Variants in TYW1 observed in about 807,000 individuals in gnomAD.
TYW1 encodes S-adenosyl-L-methionine-dependent tRNA 4-demethylwyosine synthase TYW1.
Under a neutral mutation model 96.2 loss-of-function variants are expected in TYW1, and 46 were observed. The observed-to-expected ratio is 0.48, with a 90% confidence interval of 0.38 to 0.61. TYW1 has a LOEUF of 0.61. Among genes scored for constraint, TYW1 ranks in the 20% least tolerant of loss-of-function variants. The probability of loss-of-function intolerance (pLI) is 0.00; values close to 1 mark genes in which losing one functional copy is unlikely to be tolerated. For synonymous variants in TYW1, 274 were observed against 323.0 expected, an observed-to-expected ratio of 0.85 and a Z score of 1.63; for missense variants, 684 against 909.6, an observed-to-expected ratio of 0.75 and a Z score of 3.19.
intron 13 of TYW1, among the ~76,000 whole-genome samples, chr7:67,142,101 CTAT>C (rs67144162): frequency 0.26 from 39,351 of 151,754 alleles, 5,572 homozygotes; most frequent in African/African-American, 0.38. Context: ...AATGTCAGTG[CTAT>C]TATTATTTAG....
At chr7:67,143,982 A>G (rs1186543054) in intron 13 of TYW1, among the ~76,000 whole-genome samples, 3 of 152,378 alleles carry the variant, frequency 2.0e-5, no homozygotes, top group African/African-American at 4.8e-5. Flanking sequence ...CATGTTTTCC[A>G]GTTTCCACTG....
At chr7:67,092,565 C>T (rs1584549865) in intron 11 of TYW1, among the ~76,000 whole-genome samples, 1 of 151,946 alleles carries the variant, frequency 6.6e-6, no homozygotes, top group Non-Finnish European at 1.5e-5. Flanking sequence ...TTCAGCAAGA[C>T]TTATCCTGAC....
chr7:67,060,600 T>C (rs1795666814), intron 9 of TYW1, among the ~76,000 whole-genome samples: 1 of 152,242 alleles, frequency 6.6e-6, no homozygotes, highest in Non-Finnish European at 1.5e-5. Context: ...GCTTGTAATA[T>C]TAGAAACAGC....
chr7:67,052,638 G>A (rs151323838), intron 8 of TYW1, among the ~76,000 whole-genome samples: 3,415 of 152,112 alleles, frequency 0.022, 56 homozygotes, highest in Non-Finnish European at 0.034. Context: ...TCCCTCATTC[G>A]TCATGTTTTC....
intron 4 of TYW1, among the ~76,000 whole-genome samples, chr7:67,012,484 A>G (rs1362552938): frequency 6.6e-6 from 1 of 152,202 alleles, no homozygotes; most frequent in Non-Finnish European, 1.5e-5. Context: ...TGGTGTGCAC[A>G]TGAGTGAGCT....
intron 12 of TYW1, among the ~76,000 whole-genome samples, chr7:67,111,493 A>T (rs753030072): frequency 2.6e-5 from 4 of 152,050 alleles, no homozygotes; most frequent in Admixed American, 6.6e-5. Context: ...GAGCCAACAC[A>T]CCTGGCCAGA....
chr7:67,122,441 G>T (rs1797787209), intron 13 of TYW1, among the ~76,000 whole-genome samples: 1 of 152,108 alleles, frequency 6.6e-6, no homozygotes, highest in Non-Finnish European at 1.5e-5. Flanking sequence ...CCTTATATCA[G>T]GTTATAAAAA....
rs1299447686 is a variant in TYW1, at chr7:67,081,006, C to CT, written c.1275-2413dup. On this transcript the variant is annotated intron_variant, in intron 10 of 15. Transcript: ENST00000359626. ...CTTCCATAGCGGTAACATTTGAATC[C>CT]TTTTTTTTTTTCTCATTTGTATATC... 6.9e-4 allele frequency among the ~76,000 whole-genome samples: 49 copies of CT among 71,396 alleles called. No individual in the cohort carries two copies. In the East Asian group the frequency reaches 8.0e-3, roughly 12 times the overall value. The allele number at this position is 71,396 out of a possible 152,430, so 46.8% of individuals were successfully genotyped here. A position where few individuals can be genotyped will look rare whatever the true frequency, so the allele number is the denominator to read the frequency against.
chr7:67,239,305 T>C lies in TYW1; in HGVS notation c.*776T>C, dbSNP rs1401379182. 1 of 985,352 alleles carries C rather than the reference T, an allele frequency of 1.0e-6. No homozygotes were observed. The highest frequency in any genetic ancestry group is 1.7e-5 in the African/African-American group (1 of 57,246). The allele number at this position is 985,352 out of a possible 1,614,324, so 61.0% of individuals were successfully genotyped here. A position where few individuals can be genotyped will look rare whatever the true frequency, so the allele number is the denominator to read the frequency against. The stretch of plus-strand genomic sequence containing the variant: ...CATTTCTTTTTGTTCGTGAGGTCAC[T>C]GTCCAGGCCTCTCATATCATGACCA... On this transcript the variant is annotated 3_prime_UTR_variant, in exon 16 of 16. Transcript: ENST00000359626.
intron 12 of TYW1, among the ~76,000 whole-genome samples, chr7:67,099,150 T>C (rs1797012952): frequency 6.6e-6 from 1 of 151,942 alleles, no homozygotes; most frequent in African/African-American, 2.4e-5. Context: ...CTCAGCCTCC[T>C]GAGTAGCTGG....
chr7:67,029,062 A>C (rs1794554483), intron 7 of TYW1, among the ~76,000 whole-genome samples: 1 of 151,208 alleles, frequency 6.6e-6, no homozygotes, highest in African/African-American at 2.4e-5. Flanking sequence ...GCAGTGGCGC[A>C]ATCTCGGCTC....
At chr7:67,038,798 G>A (rs1794921148) in intron 7 of TYW1, among the ~76,000 whole-genome samples, 1 of 152,064 alleles carries the variant, frequency 6.6e-6, no homozygotes, top group Admixed American at 6.6e-5. Context: ...CAGCTACTCG[G>A]GAGGTTGAGA....
chr7:67,194,395 C>T (rs1489137199), intron 14 of TYW1, among the ~76,000 whole-genome samples: 1 of 151,160 alleles, frequency 6.6e-6, no homozygotes, highest in Non-Finnish European at 1.5e-5. Context: ...GAGGCTGGGG[C>T]AGGTAGATTG....
At chr7:67,030,494 T>C (rs1272410013) in intron 7 of TYW1, among the ~76,000 whole-genome samples, 1 of 152,220 alleles carries the variant, frequency 6.6e-6, no homozygotes, top group East Asian at 1.9e-4. Flanking sequence ...TAGCTGGGCG[T>C]AGTGGTACGT....
chr7:67,090,429 C>T (rs1584547005), intron 11 of TYW1, among the ~76,000 whole-genome samples: 1 of 152,118 alleles, frequency 6.6e-6, no homozygotes, highest in Non-Finnish European at 1.5e-5. Flanking sequence ...TTTGGTTTAT[C>T]GCTATGACAT....
intron 15 of TYW1, among the ~76,000 whole-genome samples, chr7:67,201,599 G>A (rs1411343101): frequency 1.3e-5 from 2 of 151,762 alleles, no homozygotes; most frequent in Non-Finnish European, 2.9e-5. Context: ...TTTCATGTAG[G>A]TAGAGAGTGA....
intron 15 of TYW1, among the ~76,000 whole-genome samples, chr7:67,224,902 C>CT (rs1801508955): frequency 6.6e-6 from 1 of 151,974 alleles, no homozygotes; most frequent in African/African-American, 2.4e-5. Context: ...TAAATGAGTA[C>CT]AAGTCTAGCT....
intron 10 of TYW1, among the ~76,000 whole-genome samples, chr7:67,068,116 G>A (rs757520812): frequency 6.6e-6 from 1 of 151,522 alleles, no homozygotes; most frequent in Admixed American, 6.6e-5. Flanking sequence ...CTGCCTCCCA[G>A]GTTCAAGTGA....
intron 7 of TYW1, among the ~76,000 whole-genome samples, chr7:67,037,324 A>C (rs1253760001): frequency 6.6e-6 from 1 of 152,024 alleles, no homozygotes; most frequent in Non-Finnish European, 1.5e-5. Flanking sequence ...CACCATGGTG[A>C]AACCCCATTT....
Sources: gnomAD v4.1 joint callset for allele counts (sites outside exome capture counted in the v4.1 genomes callset) on GRCh38, gnomAD v4.1.1 for gene constraint, MANE v1.5 for transcripts, NCBI Gene and HGNC (gene_info 2026-07-23, HGNC 2026-07-21) for gene names.